Variants in FAM81A observed in about 807,000 individuals in gnomAD.
The protein encoded by FAM81A is protein FAM81A.
In FAM81A, 19 loss-of-function variants were observed where a neutral mutation model predicts 46.7. The observed-to-expected ratio is 0.41, with a 90% confidence interval of 0.28 to 0.60. FAM81A has a LOEUF of 0.60. FAM81A is among the 20% of genes least tolerant of loss of function. The pLI, the probability that FAM81A is intolerant of heterozygous loss-of-function variation, is 0.34. For synonymous variants in FAM81A, 183 were observed against 152.9 expected (o/e 1.20, Z -1.45); for missense variants, 377 against 453.5 (o/e 0.83, Z 1.53).
chr15:59,460,457 T>C lies in FAM81A; in HGVS notation c.294+251T>C. On this transcript the variant is annotated intron_variant, in intron 3 of 8. Coordinates refer to ENST00000288228, the MANE Select transcript of FAM81A (RefSeq NM_152450.3). This position sits in a 1 kb window ranked among gnomAD's most constrained non-coding sequence, Gnocchi z 4.4. Reference sequence around the variant, plus strand: ...TAAATTTACCTTGCTGATTATTAAATGATTTTATTTTGTTTGGCTCTTAAT... The same window carrying C: ...TAAATTTACCTTGCTGATTATTAAACGATTTTATTTTGTTTGGCTCTTAAT... The C allele has an allele frequency of 1.8e-6, 1 of 567,108 alleles. No individual in the cohort carries two copies. Among genetic ancestry groups the C allele is most frequent in the Non-Finnish European group, 3.2e-6 (1 of 316,820 alleles). The allele number at this position is 567,108 out of a possible 1,614,324, so 35.1% of individuals were successfully genotyped here.
chr15:59,500,783 C>G (rs1596533790), intron 4 of FAM81A, among the ~76,000 whole-genome samples: 1 of 151,852 alleles, frequency 6.6e-6, no homozygotes, highest in Middle Eastern at 3.4e-3. Context: ...TTCACGTTTT[C>G]TGTTGAGCCC....
At chr15:59,514,871 AT>A (rs574591588) in intron 7 of FAM81A, among the ~76,000 whole-genome samples, 5 of 152,154 alleles carry the variant, frequency 3.3e-5, no homozygotes, top group South Asian at 4.2e-4. Context: ...AGAATCCACC[AT>A]TTTTTTCCCC....
chr15:59,419,218 A>G (rs1284462234), intron 2 of FAM81A, among the ~76,000 whole-genome samples: 1 of 152,244 alleles, frequency 6.6e-6, no homozygotes, highest in Non-Finnish European at 1.5e-5. Context: ...TAATCTATAA[A>G]GCAATTACAA....
At chr15:59,513,770 T>G (rs1347721904) in intron 6 of FAM81A, among the ~76,000 whole-genome samples, 1 of 152,146 alleles carries the variant, frequency 6.6e-6, no homozygotes, top group Non-Finnish European at 1.5e-5. Context: ...CAAAGATACA[T>G]GCATACGTAT....
intron 2 of FAM81A, among the ~76,000 whole-genome samples, chr15:59,414,433 C>T (rs1057302591): frequency 6.6e-6 from 1 of 152,122 alleles, no homozygotes; most frequent in Non-Finnish European, 1.5e-5. Flanking sequence ...AAAGGGAATA[C>T]CCCCAAAACC....
chr15:59,476,038 C>T (rs1481034552), intron 3 of FAM81A, among the ~76,000 whole-genome samples: 1 of 152,086 alleles, frequency 6.6e-6, no homozygotes, highest in African/African-American at 2.4e-5. Flanking sequence ...CTGGTGAGAC[C>T]CTGCTGCCTG....
At chr15:59,426,289 T>TA (rs398070677) in intron 2 of FAM81A, among the ~76,000 whole-genome samples, 3,075 of 149,170 alleles carry the variant, frequency 0.021, 97 homozygotes, top group African/African-American at 0.069. Flanking sequence ...AACTCTGGAT[T>TA]AAAAAAAAAA....
intron 2 of FAM81A, among the ~76,000 whole-genome samples, chr15:59,419,733 G>T (rs1452087216): frequency 6.6e-6 from 1 of 152,120 alleles, no homozygotes; most frequent in Non-Finnish European, 1.5e-5. Context: ...AATTGGCCGG[G>T]CGTGCTGGCG....
chr15:59,495,092 T>C (rs1205157877), intron 4 of FAM81A, among the ~76,000 whole-genome samples: 4 of 152,232 alleles, frequency 2.6e-5, no homozygotes, highest in African/African-American at 9.6e-5. Flanking sequence ...CAGTGATTTT[T>C]AGTGTATTCA....
chr15:59,487,202 A>C (rs937378930), intron 3 of FAM81A, among the ~76,000 whole-genome samples: 2 of 146,896 alleles, frequency 1.4e-5, no homozygotes, highest in Non-Finnish European at 1.5e-5. Flanking sequence ...TATATATATT[A>C]TATATATATC....
intron 2 of FAM81A, among the ~76,000 whole-genome samples, chr15:59,411,498 C>T (rs1053873886): frequency 3.3e-5 from 5 of 152,180 alleles, no homozygotes; most frequent in African/African-American, 1.2e-4. Flanking sequence ...CCCTCAAACG[C>T]AACAAACTCA....
At chr15:59,496,384 A>T (rs1402956799) in intron 4 of FAM81A, among the ~76,000 whole-genome samples, 1 of 152,172 alleles carries the variant, frequency 6.6e-6, no homozygotes, top group East Asian at 1.9e-4. Flanking sequence ...AGGCGGGCAG[A>T]TCAGGAGGTC....
rs749395720 is a variant in FAM81A, at chr15:59,458,601, C to T, written c.-26C>T. The stretch of plus-strand genomic sequence containing the variant: ...CCAACGGAGCACTGTATTTCCTTCT[C>T]GTGTCACCAAGGAAAGGTATAATAT... On this transcript the variant is annotated 5_prime_UTR_variant, in exon 2 of 9. Coordinates refer to ENST00000288228, the MANE Select transcript of FAM81A (RefSeq NM_152450.3). 1.6e-5 allele frequency: 26 copies of T among 1,613,676 alleles called. No individual in the cohort carries two copies. The highest frequency in any genetic ancestry group is 2.2e-5 in the East Asian group (1 of 44,876).
intron 2 of FAM81A, among the ~76,000 whole-genome samples, chr15:59,430,787 G>T (rs1485859698): frequency 6.6e-6 from 1 of 152,208 alleles, no homozygotes; most frequent in African/African-American, 2.4e-5. Flanking sequence ...AAGGAAAAGA[G>T]ATGGTTTGAG....
intron 3 of FAM81A, among the ~76,000 whole-genome samples, chr15:59,462,118 G>A (rs545075928): frequency 2.0e-5 from 3 of 151,668 alleles, no homozygotes; most frequent in Non-Finnish European, 4.4e-5. Context: ...CAGGAGAATG[G>A]CGTGAACCTG....
chr15:59,450,697 A>G (rs2081408644), intron 1 of FAM81A, among the ~76,000 whole-genome samples: 1 of 152,246 alleles, frequency 6.6e-6, no homozygotes, highest in South Asian at 2.1e-4. Context: ...TGCATATATT[A>G]AGAACAACAA....
chr15:59,489,138 G>A (rs1400947551), intron 3 of FAM81A, among the ~76,000 whole-genome samples: 15 of 151,784 alleles, frequency 9.9e-5, no homozygotes, highest in East Asian at 7.7e-4. Context: ...AGTGGCGGGC[G>A]CCTGTAGTCC....
intron 2 of FAM81A, among the ~76,000 whole-genome samples, chr15:59,412,107 T>C (rs567458075): frequency 7.2e-5 from 11 of 151,794 alleles, no homozygotes; most frequent in Admixed American, 3.9e-4. Flanking sequence ...GGCTTCGATT[T>C]TGGGGGCTGT....
At chr15:59,505,189 G>A (rs1453802859) in intron 4 of FAM81A, among the ~76,000 whole-genome samples, 2 of 152,062 alleles carry the variant, frequency 1.3e-5, no homozygotes, top group Non-Finnish European at 2.9e-5. Flanking sequence ...TGAAGCCACT[G>A]ATTCTATCTT....
Sources: allele counts gnomAD v4.1 joint callset (sites outside exome capture counted in the v4.1 genomes callset), GRCh38; gene constraint gnomAD v4.1.1; non-coding constraint Gnocchi (gnomAD v3.1); transcripts MANE v1.5; gene names NCBI Gene and HGNC (gene_info 2026-07-23, HGNC 2026-07-21).